The following HLTF variants were observed in gnomAD, a reference collection of about 807,000 sequenced individuals.
The protein encoded by HLTF is helicase like transcription factor, also known as DNA-dependent ATPase/E3 ubiquitin-protein ligase HLTF.
HLTF carries 127 observed loss-of-function variants against 129.4 expected under a neutral mutation model. The observed-to-expected ratio is 0.98, with a 90% CI of 0.85 to 1.14. The LOEUF (loss-of-function observed/expected upper bound fraction) is 1.14. HLTF is among the 50% of genes most tolerant of loss of function. The pLI is 0.00. For synonymous variants in HLTF, 332 were observed against 388.8 expected (o/e 0.85, Z 1.72); for missense variants, 1,139 against 1,187.1 (o/e 0.96, Z 0.60).
intron 22 of HLTF, 85 bp from the exon 23 acceptor site, chr3:149,039,314 T>C: frequency 9.8e-7 from 1 of 1,016,906 alleles, no homozygotes. Flanking sequence ...ATCTCTTCAA[T>C]AAATTCTTTC....
In HLTF at chr3:149,068,625, T is replaced by A. The variant is rs538325808; in HGVS notation, c.895-290A>T. Among the ~76,000 whole-genome samples, 5 of 152,344 alleles carry A rather than the reference T, an allele frequency of 3.3e-5. No individual in the cohort carries two copies. In the South Asian group the frequency reaches 1.0e-3, roughly 32 times the overall value. On this transcript the variant is annotated intron_variant, in intron 7 of 24. Transcript: ENST00000310053. ...TACAATTCTACATTTAATCCTGAACTCTTGATTTTTATCATGCAACTATTT... is the reference window on the plus strand; with the variant it reads ...TACAATTCTACATTTAATCCTGAACACTTGATTTTTATCATGCAACTATTT...
chr3:149,059,466 A>G, intron 13 of HLTF: 3 of 496,456 alleles, frequency 6.0e-6, no homozygotes, highest in Non-Finnish European at 1.1e-5. Flanking sequence ...TAGAAGAAAT[A>G]TCTCTGCTAT....
intron 2 of HLTF, 45 bp from the exon 3 acceptor site, chr3:149,076,092 A>G: frequency 1.3e-6 from 1 of 743,160 alleles, no homozygotes; most frequent in Non-Finnish European, 2.1e-6. Context: ...TAAATAATAG[A>G]CAATAACTTT....
chr3:149,060,970 T>A, intron 10 of HLTF, 112 bp from the exon 11 acceptor site: 1 of 716,466 alleles, frequency 1.4e-6, no homozygotes, highest in Non-Finnish European at 2.3e-6. Context: ...ATTTATTTTT[T>A]GAAAAATTTT....
chr3:149,078,285 C>T lies in HLTF; in HGVS notation c.229-2238G>A, dbSNP rs541520463. 2.0e-5 allele frequency among the ~76,000 whole-genome samples: 3 copies of T among 152,312 alleles called. 1 individual carries two copies. The highest frequency in any genetic ancestry group is 6.5e-5 in the Admixed American group (1 of 15,298). ...AAGGGGCTGGGCATGGTGGCTCACACTTGTAATCCCAGCACTTTAGGAGGC... is the reference window on the plus strand; with the variant it reads ...AAGGGGCTGGGCATGGTGGCTCACATTTGTAATCCCAGCACTTTAGGAGGC... On this transcript the variant is annotated intron_variant, in intron 2 of 24. Coordinates refer to ENST00000310053, the MANE Select transcript of HLTF (RefSeq NM_003071.4).
At position 149,074,317 on chromosome 3, in the gene HLTF, T is replaced by C; in HGVS notation, c.427A>G (p.Thr143Ala). The C allele has an allele frequency of 6.2e-7, 1 of 1,613,296 alleles. No individual in the cohort carries two copies. Among genetic ancestry groups the C allele is most frequent in the Non-Finnish European group, 8.5e-7 (1 of 1,179,646 alleles). Residue 143 changes from threonine (T) to alanine (A), a missense_variant, in exon 4 of 25, where the codon ACC (threonine) becomes GCC (alanine). Coordinates refer to ENST00000310053, the MANE Select transcript of HLTF (RefSeq NM_003071.4). ...CAAAAAGTCATATGCAGAGGCATGG[T>C]AAAAGCATTGTTTGCACCAAAAGGA... is the stretch of plus-strand genomic sequence containing the variant. ...VVPFGANNAF[T>A]MPLHMTFWGK... is the part of the protein sequence containing the mutation.
At position 149,036,886 on chromosome 3, in the gene HLTF, C is replaced by T. The variant is rs541281389; in HGVS notation, c.2797-1888G>A. ...AAAGCTTGATATGTTCAATGAAGAACACTCAACTTACTATAAAACTGCTAA... is the reference window on the plus strand; with the variant it reads ...AAAGCTTGATATGTTCAATGAAGAATACTCAACTTACTATAAAACTGCTAA... On this transcript the variant is annotated intron_variant, in intron 23 of 24. Transcript: ENST00000310053. Among the ~76,000 whole-genome samples, 5 of 152,292 alleles carry T rather than the reference C, an allele frequency of 3.3e-5. No individual in the cohort carries two copies. In the East Asian group the frequency reaches 9.6e-4, roughly 29 times the overall value.
In HLTF at chr3:149,064,877, A is replaced by G; in HGVS notation, c.991-11T>C. ...GTTAACATTATATTCCTGGGTAAAT[A>G]GGCATATTTCTTAAACAGTACTGCT... is the stretch of plus-strand genomic sequence containing the variant. On this transcript the variant is annotated splice_polypyrimidine_tract_variant and intron_variant, in intron 8 of 24. Coordinates refer to ENST00000310053, the MANE Select transcript of HLTF (RefSeq NM_003071.4). The G allele has an allele frequency of 1.3e-6, 2 of 1,508,338 alleles. No homozygotes were observed. Among genetic ancestry groups the G allele is most frequent in the South Asian group, 1.1e-5 (1 of 88,522 alleles). 93.4% of individuals were successfully genotyped at this position (1,508,338 alleles called of 1,614,324 possible).
At chr3:149,043,159 A>C (rs1413579964) in intron 18 of HLTF, among the ~76,000 whole-genome samples, 1 of 151,984 alleles carries the variant, frequency 6.6e-6, no homozygotes, top group Non-Finnish European at 1.5e-5. Context: ...GAGAACAGGA[A>C]GAGATGAAAG....
intron 7 of HLTF, among the ~76,000 whole-genome samples, chr3:149,068,669 T>C (rs1303208886): frequency 6.6e-6 from 1 of 152,218 alleles, no homozygotes; most frequent in Non-Finnish European, 1.5e-5. Flanking sequence ...TCATTTGCCA[T>C]GAAGTTCGGA....
intron 6 of HLTF, 57 bp downstream of exon 6, chr3:149,071,526 T>G: frequency 6.8e-7 from 1 of 1,470,130 alleles, no homozygotes; most frequent in Non-Finnish European, 9.5e-7. Context: ...AAAAAGTAGA[T>G]TCTAAGTATA....
intron 14 of HLTF, among the ~76,000 whole-genome samples, chr3:149,051,576 C>T (rs369781578): frequency 6.6e-6 from 1 of 152,128 alleles, no homozygotes; most frequent in Non-Finnish European, 1.5e-5. Flanking sequence ...TAAAAATATT[C>T]CAGGCCAGGT....
intron 15 of HLTF, 118 bp from the exon 16 acceptor site, chr3:149,049,119 G>C: frequency 1.7e-6 from 1 of 591,472 alleles, no homozygotes; most frequent in African/African-American, 1.8e-5. Context: ...GCTAGGTACT[G>C]CTTTAAGCAC....
At chr3:149,079,186 G>C (rs1719654318) in intron 2 of HLTF, among the ~76,000 whole-genome samples, 1 of 151,350 alleles carries the variant, frequency 6.6e-6, no homozygotes, top group South Asian at 2.1e-4. Context: ...GAAAGGGGCA[G>C]AAAAAATATT....
rs190121584 is a variant in HLTF at position 149,045,275 on chromosome 3, C to A, written c.2072+805G>T. Among the ~76,000 whole-genome samples, 225 of 152,244 alleles carry A rather than the reference C, an allele frequency of 1.5e-3. 2 individuals carry two copies. The highest frequency in any genetic ancestry group is 2.1e-4 in the Non-Finnish European group (14 of 67,978). The stretch of plus-strand genomic sequence containing the variant: ...CTTTAGATCTTTACCTATATATCAT[C>A]TTCTCAGTGAGGTCTTCCTTAATAC... On this transcript the variant is annotated intron_variant, in intron 18 of 24. Coordinates refer to ENST00000310053, the MANE Select transcript of HLTF (RefSeq NM_003071.4).
chr3:149,041,793 A>G, intron 19 of HLTF, 125 bp from the exon 20 acceptor site: 1 of 682,140 alleles, frequency 1.5e-6, no homozygotes, highest in Non-Finnish European at 2.5e-6. Context: ...GCCATAGGCA[A>G]AAAGCATAAT....
At chr3:149,061,342 C>T (rs567890009) in intron 10 of HLTF, among the ~76,000 whole-genome samples, 13 of 151,752 alleles carry the variant, frequency 8.6e-5, no homozygotes, top group Admixed American at 5.3e-4. Context: ...AGCCAGGAGA[C>T]GGAGTTTCCA....
chr3:149,050,519 C>A lies in HLTF; in HGVS notation c.1474-144G>T, dbSNP rs976339148. ...AAATCAAGTTTCCTTCAGTCTAGAC[C>A]AAAATAATAACAATAAGAAAAATGA... On this transcript the variant is annotated intron_variant, in intron 14 of 24. Coordinates refer to ENST00000310053, the MANE Select transcript of HLTF (RefSeq NM_003071.4). 1.9e-5 allele frequency: 9 copies of A among 467,276 alleles called. No homozygotes were observed. Among genetic ancestry groups the A allele is most frequent in the Non-Finnish European group, 2.3e-5 (6 of 259,288 alleles). The allele number at this position is 467,276 out of a possible 1,614,324, so 28.9% of individuals were successfully genotyped here.
At chr3:149,040,285 G>A in intron 20 of HLTF, 129 bp from the exon 21 acceptor site, 1 of 764,900 alleles carries the variant, frequency 1.3e-6, no homozygotes, top group Non-Finnish European at 2.1e-6. Flanking sequence ...CCTTTTAATG[G>A]ATTTCATCCA....
Sources: allele counts gnomAD v4.1 joint callset (sites outside exome capture counted in the v4.1 genomes callset), GRCh38; gene constraint gnomAD v4.1.1; transcripts MANE v1.5; gene names NCBI Gene and HGNC (gene_info 2026-07-23, HGNC 2026-07-21).